The following PRKCZ variants were observed in gnomAD, a reference collection of about 807,000 sequenced individuals.
PRKCZ encodes the protein protein kinase C zeta type.
In PRKCZ, 33 loss-of-function variants were observed where a neutral mutation model predicts 79.5. The ratio of observed to expected loss-of-function variants is 0.41; its 90% CI spans 0.31 to 0.55. The LOEUF (loss-of-function observed/expected upper bound fraction) is 0.55. Ranked by LOEUF, PRKCZ falls within the 20% of genes least tolerant of loss-of-function variation. The probability of loss-of-function intolerance (pLI) is 0.19; values close to 1 mark genes in which losing one functional copy is unlikely to be tolerated. For missense variants in PRKCZ, 578 were observed against 813.5 expected (o/e 0.71, Z 3.52); for synonymous variants, 342 against 320.9 (o/e 1.07, Z -0.70).
chr1:2,089,627 G>A (rs570540358), intron 4 of PRKCZ, among the ~76,000 whole-genome samples: 32 of 152,192 alleles, frequency 2.1e-4, no homozygotes, highest in South Asian at 1.9e-3. Flanking sequence ...ATCCCATTCC[G>A]GAAGGCCACA....
Position 2,082,868 on chromosome 1 carries a change from T to C in PRKCZ, c.334+23277T>C, listed in dbSNP as rs1571238451. 1.5e-5 allele frequency among the ~76,000 whole-genome samples: 2 copies of C among 135,680 alleles called. 1 individual carries two copies. The highest frequency in any genetic ancestry group is 5.0e-4 in the South Asian group (2 of 4,012). 89.0% of individuals were successfully genotyped at this position (135,680 alleles called of 152,430 possible). ...GGGCGTGAGGGAGAGGGTGGAGGGG[T>C]GGTGTGAGGGTGCAAGGGAGAGGGT... On this transcript the variant is annotated intron_variant, in intron 4 of 17. Transcript: ENST00000378567. The surrounding 1 kb of genome is among the most constrained non-coding windows in gnomAD (Gnocchi z 4.4).
At chr1:2,108,604 CCT>C (rs1278247216) in intron 4 of PRKCZ, among the ~76,000 whole-genome samples, 3 of 152,226 alleles carry the variant, frequency 2.0e-5, no homozygotes, top group Non-Finnish European at 2.9e-5. Context: ...GACGGCAGCC[CCT>C]CTCTCTCCAG....
At chr1:2,176,643 T>C (rs369213430) in intron 16 of PRKCZ, among the ~76,000 whole-genome samples, 33 of 152,350 alleles carry the variant, frequency 2.2e-4, no homozygotes, top group Middle Eastern at 3.4e-3. Context: ...AAAGCCCAGC[T>C]CTAGCTCTGT....
At chr1:2,073,593 A>C in intron 4 of PRKCZ, 24 of 977,088 alleles carry the variant, frequency 2.5e-5, no homozygotes, top group South Asian at 4.7e-5. Flanking sequence ...GTGCTGATGC[A>C]GAGATGCTTG....
rs1471024875 is a variant in PRKCZ at position 2,173,556 on chromosome 1, TTCAAGC to T, written c.1286-339_1286-334del. Among the ~76,000 whole-genome samples, 1 of 152,244 alleles carries T rather than the reference TTCAAGC, an allele frequency of 6.6e-6. No homozygotes were observed. Among genetic ancestry groups the T allele is most frequent in the Non-Finnish European group, 1.5e-5 (1 of 68,048 alleles). On this transcript the variant is annotated intron_variant, in intron 13 of 17. Transcript: ENST00000378567. This position sits in a 1 kb window ranked among gnomAD's most constrained non-coding sequence, Gnocchi z 5.7. ...TCCGTTACTGCAGCGAAAGGGCTTCTTCAAGCTTAGTTCTGTAGAAGCAGAAACGAG... is the reference window on the plus strand; with the variant it reads ...TCCGTTACTGCAGCGAAAGGGCTTCTTTAGTTCTGTAGAAGCAGAAACGAG...
chr1:2,098,309 G>T (rs977357318), intron 4 of PRKCZ: 1 of 152,252 alleles, frequency 6.6e-6, no homozygotes, highest in African/African-American at 2.4e-5. Context: ...CAATTTACAG[G>T]CTAAAACCTT....
Position 2,144,352 on chromosome 1 carries a change from G to A in PRKCZ, c.552+11G>A. 6.4e-7 allele frequency: 1 copy of A among 1,565,138 alleles called. No homozygotes were observed. The highest frequency in any genetic ancestry group is 2.3e-5 in the East Asian group (1 of 43,160). ...TGCAGGAAGCATATGGTGAGTGGCA[G>A]GGCTGGGGAGGCCCGGGGGGCACGG... On this transcript the variant is annotated intron_variant, in intron 6 of 17. Transcript: ENST00000378567.
chr1:2,059,447 C>T lies in PRKCZ; in HGVS notation c.284-94C>T, dbSNP rs898739348. Reference sequence around the variant, plus strand: ...CCACGTGCGCCTTGCGTGAAGTCCACGTGCTCAGCCTGACTGAGGCGGGAC... The same window carrying T: ...CCACGTGCGCCTTGCGTGAAGTCCATGTGCTCAGCCTGACTGAGGCGGGAC... On this transcript the variant is annotated intron_variant, in intron 3 of 17. Transcript: ENST00000378567. 14 of 1,476,164 alleles carry T rather than the reference C, an allele frequency of 9.5e-6. No homozygotes were observed. In the African/African-American group the frequency reaches 9.7e-5, roughly 10 times the overall value. The allele number at this position is 1,476,164 out of a possible 1,614,324, so 91.4% of individuals were successfully genotyped here. A position where few individuals can be genotyped will look rare whatever the true frequency, so the allele number is the denominator to read the frequency against.
chr1:2,164,709 C>G (rs1252741901), intron 10 of PRKCZ, among the ~76,000 whole-genome samples: 1 of 152,246 alleles, frequency 6.6e-6, no homozygotes, highest in Non-Finnish European at 1.5e-5. Flanking sequence ...TTTAAATTTT[C>G]CTAATTTTTC....
At chr1:2,150,079 G>A (rs375802260) in intron 8 of PRKCZ, among the ~76,000 whole-genome samples, 24 of 146,972 alleles carry the variant, frequency 1.6e-4, no homozygotes, top group African/African-American at 4.6e-4. Flanking sequence ...GGAGAATGGC[G>A]TGAACCCGGG....
At chr1:2,112,856 T>C (rs1670030163) in intron 4 of PRKCZ, among the ~76,000 whole-genome samples, 1 of 152,020 alleles carries the variant, frequency 6.6e-6, no homozygotes, top group Non-Finnish European at 1.5e-5. Context: ...TGTCTGGCTA[T>C]TTTTTTTCTA....
At chr1:2,112,027 C>T (rs1317717173) in intron 4 of PRKCZ, among the ~76,000 whole-genome samples, 1 of 152,190 alleles carries the variant, frequency 6.6e-6, no homozygotes, top group Non-Finnish European at 1.5e-5. Context: ...TTCCTCGGGA[C>T]AAGTCATTTT....
intron 4 of PRKCZ, among the ~76,000 whole-genome samples, chr1:2,077,831 TCTTC>T (rs779937478): frequency 6.6e-4 from 100 of 152,210 alleles, no homozygotes; most frequent in South Asian, 1.2e-3. Context: ...TCAGCTCATC[TCTTC>T]CTTCCTTGTT....
rs113632935 is a variant in PRKCZ, at chr1:2,066,676, A to T, written c.334+7085A>T. Reference sequence around the variant, plus strand: ...TCTTTATTATTCCCATCCTTCTGCCAGCTTTTGGTTTGTTCTTTTTCTGGT... The same window carrying T: ...TCTTTATTATTCCCATCCTTCTGCCTGCTTTTGGTTTGTTCTTTTTCTGGT... On this transcript the variant is annotated intron_variant, in intron 4 of 17. Transcript: ENST00000378567. 2.9e-3 allele frequency among the ~76,000 whole-genome samples: 437 copies of T among 152,258 alleles called. 6 individuals are homozygous for T. Among genetic ancestry groups the T allele is most frequent in the African/African-American group, 0.01 (417 of 41,538 alleles).
At chr1:2,097,954 G>A (rs536867718) in intron 4 of PRKCZ, among the ~76,000 whole-genome samples, 57 of 152,314 alleles carry the variant, frequency 3.7e-4, no homozygotes, top group East Asian at 1.2e-3. Context: ...GGGTTGGACT[G>A]CACAGTCTAA....
chr1:2,099,951 G>A (rs1218097020), intron 4 of PRKCZ, among the ~76,000 whole-genome samples: 1 of 152,236 alleles, frequency 6.6e-6, no homozygotes, highest in East Asian at 1.9e-4. Context: ...CACCCTCAGA[G>A]TGATGAGCTG....
chr1:2,089,697 G>A (rs1030932939), intron 4 of PRKCZ, among the ~76,000 whole-genome samples: 1 of 152,144 alleles, frequency 6.6e-6, no homozygotes, highest in Non-Finnish European at 1.5e-5. Context: ...ATTTCAGCGT[G>A]TGAATTCGGT....
chr1:2,171,974 G>T, intron 11 of PRKCZ, 81 bp from the exon 12 acceptor site: 1 of 1,492,116 alleles, frequency 6.7e-7, no homozygotes. Flanking sequence ...GGGCAAACGG[G>T]AGTGTGTGGC....
intron 16 of PRKCZ, 81 bp from the exon 17 acceptor site, chr1:2,184,502 G>C: frequency 1.0e-6 from 1 of 986,204 alleles, no homozygotes. Flanking sequence ...TTCATTTTGT[G>C]ATTGAAGTGC....
Sources: gnomAD v4.1 joint callset for allele counts (sites outside exome capture counted in the v4.1 genomes callset) on GRCh38, gnomAD v4.1.1 for gene constraint, Gnocchi (gnomAD v3.1) non-coding constraint, MANE v1.5 for transcripts, NCBI Gene and HGNC (gene_info 2026-07-23, HGNC 2026-07-21) for gene names.